Variants in PSME3 observed in about 807,000 individuals in gnomAD.
PSME3 encodes the protein proteasome activator subunit 3.
In PSME3, 7 loss-of-function variants were observed where a neutral mutation model predicts 38.3. That is an observed-to-expected ratio of 0.18 (90% CI 0.10 to 0.34). PSME3 has a LOEUF of 0.34. PSME3 is among the 10% of genes least tolerant of loss of function. The pLI is 1.00. For synonymous variants in PSME3, 108 were observed against 105.7 expected (o/e 1.02, Z -0.13); for missense variants, 192 against 307.6 (o/e 0.62, Z 2.81).
chr17:42,839,130 C>T lies in PSME3; in HGVS notation c.561C>T (p.Ala187=), dbSNP rs1427837762. ...TTTCCAGATATTATATTACAAGAGC[C>T]AAATTGGTTTCTAAAATAGCTAAAT... ...DQISRYYITR[A]KLVSKIAKYP... The change falls in exon 9 of 11, where the codon GCC becomes GCT. Residue 187 remains alanine (A), a synonymous_variant. Transcript: ENST00000590720. 14 of 1,592,260 alleles carry T rather than the reference C, an allele frequency of 8.8e-6. No homozygotes were observed. The highest frequency in any genetic ancestry group is 1.3e-5 in the African/African-American group (1 of 74,332).
At chr17:42,834,238 T>C (rs1161089267) in intron 1 of PSME3, 106 bp from the exon 2 acceptor site, 1 of 1,592,840 alleles carries the variant, frequency 6.3e-7, no homozygotes, top group African/African-American at 1.4e-5. Flanking sequence ...GCCTCTCAGC[T>C]TCTTATTACA....
chr17:42,836,842 G>A (rs780162286), intron 4 of PSME3, among the ~76,000 whole-genome samples: 30 of 150,890 alleles, frequency 2.0e-4, no homozygotes, highest in Non-Finnish European at 4.0e-4. Flanking sequence ...GATTACAGGT[G>A]TGAGCCATGG....
At position 42,838,099 on chromosome 17, in the gene PSME3, A is replaced by G. The variant is rs1352881953; in HGVS notation, c.299A>G (p.Lys100Arg). The stretch of plus-strand genomic sequence containing the variant: ...ACCTTCACATCTCTGCCAGGAACCA[A>G]GGTGTTTGTGATGCCCAATGGGATG... ...DECEEAFQGT[K>R]VFVMPNGMLK... Residue 100 changes from lysine (K) to arginine (R), a missense_variant, in exon 6 of 11, where the codon AAG becomes AGG. This residue lies in a region of PSME3 where 110 missense variants were observed against 139.3 expected (regional missense o/e 0.79). Coordinates refer to ENST00000590720, the MANE Select transcript of PSME3 (RefSeq NM_005789.4). 1 of 1,613,970 alleles carries G rather than the reference A, an allele frequency of 6.2e-7. No homozygotes were observed. Among genetic ancestry groups the G allele is most frequent in the African/African-American group, 1.3e-5 (1 of 74,894 alleles).
rs373300090 is a variant in PSME3, at chr17:42,838,333, G to T, written c.405+128G>T. 39 of 1,435,232 alleles carry T rather than the reference G, an allele frequency of 2.7e-5. No homozygotes were observed. The East Asian group carries it at 8.9e-4, about 33-fold the overall frequency. 88.9% of individuals were successfully genotyped at this position (1,435,232 alleles called of 1,614,324 possible). On this transcript the variant is annotated intron_variant, in intron 6 of 10. Transcript: ENST00000590720. Reference sequence around the variant, plus strand: ...TTTTTGAGTTTTTTTTTTGAGATGGGGTCTCGCTCCATCACCCAGGTTGGA... The same window carrying T: ...TTTTTGAGTTTTTTTTTTGAGATGGTGTCTCGCTCCATCACCCAGGTTGGA...
At chr17:42,833,808 C>G in intron 1 of PSME3, 135 bp downstream of exon 1, 1 of 1,581,084 alleles carries the variant, frequency 6.3e-7, no homozygotes, top group East Asian at 2.3e-5. Context: ...GCCCAGCCCC[C>G]AACTCCCGGG....
At position 42,842,233 on chromosome 17, in the gene PSME3, T is replaced by G. The variant is rs2055543092; in HGVS notation, c.*655T>G. On this transcript the variant is annotated 3_prime_UTR_variant, in exon 11 of 11. Coordinates refer to ENST00000590720, the MANE Select transcript of PSME3 (RefSeq NM_005789.4). ...ATATGTGTATGCATGTATACGCCCA[T>G]ACAGACATGCACACACAGACTCCTA... 1 of 152,626 alleles carries G rather than the reference T, an allele frequency of 6.6e-6. No homozygotes were observed. The highest frequency in any genetic ancestry group is 2.4e-5 in the African/African-American group (1 of 41,444). 9.5% of individuals were successfully genotyped at this position (152,626 alleles called of 1,614,324 possible). A position where few individuals can be genotyped will look rare whatever the true frequency, so the allele number is the denominator to read the frequency against.
rs2055553771 is a variant in PSME3 at position 42,843,029 on chromosome 17, A to T, written c.*1451A>T. 6.6e-6 allele frequency: 1 copy of T among 152,652 alleles called. No homozygotes were observed. The highest frequency in any genetic ancestry group is 1.5e-5 in the Non-Finnish European group (1 of 68,024). 9.5% of individuals were successfully genotyped at this position (152,652 alleles called of 1,614,324 possible). On this transcript the variant is annotated 3_prime_UTR_variant, in exon 11 of 11. Transcript: ENST00000590720. ...TAGTACTCAGTAACAAACCAATTGC[A>T]TTTTAGTTGGGCAGTGCTCCCACCC...
rs2055542922 is a variant in PSME3, at chr17:42,842,211, T to C, written c.*633T>C. ...TAATGGGCGTTTTCACATGCACATA[T>C]GTGTATGCATGTATACGCCCATACA... On this transcript the variant is annotated 3_prime_UTR_variant, in exon 11 of 11. Transcript: ENST00000590720. 1 of 152,562 alleles carries C rather than the reference T, an allele frequency of 6.6e-6. No individual in the cohort carries two copies. Among genetic ancestry groups the C allele is most frequent in the South Asian group, 2.1e-4 (1 of 4,842 alleles). 9.5% of individuals were successfully genotyped at this position (152,562 alleles called of 1,614,324 possible). A position where few individuals can be genotyped will look rare whatever the true frequency, so the allele number is the denominator to read the frequency against.
intron 3 of PSME3, 93 bp from the exon 4 acceptor site, chr17:42,834,679 A>T: frequency 6.3e-7 from 1 of 1,599,428 alleles, no homozygotes; most frequent in South Asian, 1.1e-5. Context: ...TATTTTTTTA[A>T]ACTGTAAAAG....
rs747912483 is a variant in PSME3, at chr17:42,834,742, G to C, written c.139-30G>C. ...AATACTTCTTTGTTCAGCTTGAAAA[G>C]ATTAATGTTTTGGGGTGGGTGTCTT... is the stretch of plus-strand genomic sequence containing the variant. On this transcript the variant is annotated intron_variant, in intron 3 of 10. Coordinates refer to ENST00000590720, the MANE Select transcript of PSME3 (RefSeq NM_005789.4). 6.2e-6 allele frequency: 10 copies of C among 1,613,050 alleles called. No individual in the cohort carries two copies. The South Asian group carries it at 9.9e-5, about 16-fold the overall frequency.
chr17:42,837,800 A>G (rs2055481350), intron 5 of PSME3, 103 bp downstream of exon 5: 6 of 1,339,502 alleles, frequency 4.5e-6, no homozygotes, highest in African/African-American at 4.3e-5. Flanking sequence ...GCAAGATCTA[A>G]TCTTACTTCC....
intron 10 of PSME3, among the ~76,000 whole-genome samples, chr17:42,841,271 A>C (rs898962340): frequency 6.6e-6 from 1 of 152,220 alleles, no homozygotes; most frequent in African/African-American, 2.4e-5. Context: ...GACATCGAAC[A>C]AAATGATGTT....
Position 42,834,587 on chromosome 17 carries a change from C to T in PSME3, c.138+10C>T. 6.2e-7 allele frequency: 1 copy of T among 1,613,060 alleles called. No individual in the cohort carries two copies. Among genetic ancestry groups the T allele is most frequent in the South Asian group, 1.1e-5 (1 of 91,032 alleles). ...TGATAGTTTTCTGAAGGTGAGAGAC[C>T]CTATTCTTTCCTCAAATTCCCCAAT... On this transcript the variant is annotated intron_variant, in intron 3 of 10. Coordinates refer to ENST00000590720, the MANE Select transcript of PSME3 (RefSeq NM_005789.4).
intron 6 of PSME3, 67 bp downstream of exon 6, chr17:42,838,272 G>A: frequency 3.1e-6 from 5 of 1,599,200 alleles, no homozygotes; most frequent in South Asian, 1.1e-5. Context: ...AAAAACAGTG[G>A]ATGTACGGGT....
rs985970477 is a variant in PSME3, at chr17:42,833,750, C to T, written c.42+77C>T. 3.1e-6 allele frequency: 5 copies of T among 1,613,084 alleles called. No homozygotes were observed. In the African/African-American group the frequency reaches 5.3e-5, roughly 17 times the overall value. ...CTGACCGGCTTCCTACTCCCCATGG[C>T]GTCTTTGTCTCCCTGGGGATACCAG... On this transcript the variant is annotated intron_variant, in intron 1 of 10. Coordinates refer to ENST00000590720, the MANE Select transcript of PSME3 (RefSeq NM_005789.4).
intron 1 of PSME3, chr17:42,833,933 A>G: frequency 6.9e-7 from 1 of 1,440,828 alleles, no homozygotes; most frequent in South Asian, 1.5e-5. Context: ...TAGGCCCGTG[A>G]CAGCTGGTAA....
At position 42,833,693 on chromosome 17, in the gene PSME3, CT is replaced by C; in HGVS notation, c.42+25del. 5.0e-6 allele frequency: 8 copies of C among 1,614,240 alleles called. No individual in the cohort carries two copies. The highest frequency in any genetic ancestry group is 6.8e-6 in the Non-Finnish European group (8 of 1,180,028). ...CTCAAGGTAGCGGCACCGGTCCGGC[CT>C]TTTTGCCCCTCGCTTTGATCCCCCA... On this transcript the variant is annotated intron_variant, in intron 1 of 10. Transcript: ENST00000590720.
intron 1 of PSME3, 25 bp from the exon 2 acceptor site, chr17:42,834,319 G>C: frequency 6.2e-7 from 1 of 1,614,126 alleles, no homozygotes; most frequent in Non-Finnish European, 8.5e-7. Context: ...CCCAGGTACT[G>C]AATTGCTCTC....
In PSME3 at chr17:42,841,728, A is replaced by G; in HGVS notation, c.*150A>G. 1.9e-6 allele frequency: 1 copy of G among 530,968 alleles called. No individual in the cohort carries two copies. Among genetic ancestry groups the G allele is most frequent in the Non-Finnish European group, 3.3e-6 (1 of 306,854 alleles). The allele number at this position is 530,968 out of a possible 1,614,324, so 32.9% of individuals were successfully genotyped here. A position where few individuals can be genotyped will look rare whatever the true frequency, so the allele number is the denominator to read the frequency against. ...TTAGAGTCTAATGAAACTCTCATCT[A>G]GTTCTGTGATGTGTTTACCTCTTTT... On this transcript the variant is annotated 3_prime_UTR_variant, in exon 11 of 11. Transcript: ENST00000590720.
Sources: allele counts gnomAD v4.1 joint callset (sites outside exome capture counted in the v4.1 genomes callset), GRCh38; gene constraint gnomAD v4.1.1; regional missense constraint gnomAD v4.1.1; transcripts MANE v1.5; gene names NCBI Gene and HGNC (gene_info 2026-07-23, HGNC 2026-07-21).